Variants in FLT1 observed in about 807,000 individuals in gnomAD.
The protein encoded by FLT1 is vascular endothelial growth factor receptor 1.
Under a neutral mutation model 156.3 loss-of-function variants are expected in FLT1, and 49 were observed. The ratio of observed to expected loss-of-function variants is 0.31; its 90% confidence interval spans 0.25 to 0.40. FLT1 has a LOEUF of 0.40. Among genes scored for constraint, FLT1 ranks in the 10% least tolerant of loss-of-function variants. The pLI is 1.00. For synonymous variants in FLT1, 594 were observed against 583.8 expected (o/e 1.02, Z -0.25); for missense variants, 1,322 against 1,637.2 (o/e 0.81, Z 3.32).
chr13:28,456,230 G>C (rs937160789), intron 3 of FLT1, among the ~76,000 whole-genome samples: 4 of 151,744 alleles, frequency 2.6e-5, no homozygotes, highest in Admixed American at 2.0e-4. Flanking sequence ...GATGTCCTTT[G>C]GTAGGTGAAT....
At position 28,302,218 on chromosome 13, in the gene FLT1, T is replaced by G. The variant is rs774969632; in HGVS notation, c.*949A>C. 1.3e-5 allele frequency: 3 copies of G among 233,162 alleles called. No homozygotes were observed. Among genetic ancestry groups the G allele is most frequent in the Non-Finnish European group, 2.5e-5 (3 of 118,044 alleles). 14.4% of individuals were successfully genotyped at this position (233,162 alleles called of 1,614,324 possible). On this transcript the variant is annotated 3_prime_UTR_variant, in exon 30 of 30. Transcript: ENST00000282397. Reference sequence around the variant, plus strand: ...GCAAAACAGAATAATACCAAGAAATTGAGTTAAGTGTCTGGACTATATATT... The same window carrying G: ...GCAAAACAGAATAATACCAAGAAATGGAGTTAAGTGTCTGGACTATATATT...
chr13:28,345,961 T>TAAAAAAAAAAAAAA (rs575637976), intron 15 of FLT1: 1 of 123,266 alleles, frequency 8.1e-6, no homozygotes, highest in Non-Finnish European at 1.7e-5. Flanking sequence ...GAGGAAATTC[T>TAAAAAAAAAAAAAA]AAAAAAAAAA....
Position 28,430,058 on chromosome 13 carries a change from T to A in FLT1, c.1098A>T (p.Glu366Asp). Residue 366 changes from glutamate (E) to aspartate (D), a missense_variant, in exon 8 of 30, where the codon GAA becomes GAT. Physicochemically the swap from Glu to Asp is conservative, Grantham distance 45 (BLOSUM62 2). This residue lies in a region of FLT1 where 991 missense variants were observed against 1,254.8 expected (regional missense o/e 0.79). Coordinates refer to ENST00000282397, the MANE Select transcript of FLT1 (RefSeq NM_002019.4). ...SMKVKAFPSP[E>D]VVWLKDGLPA... ...AATAAGGATGGTCCTACCATACAAC[T>A]TCCGGCGAGGGAAATGCCTTCACTT... is the stretch of plus-strand genomic sequence containing the variant. 6.2e-7 allele frequency: 1 copy of A among 1,608,630 alleles called. No homozygotes were observed. Among genetic ancestry groups the A allele is most frequent in the Non-Finnish European group, 8.5e-7 (1 of 1,174,956 alleles).
At chr13:28,339,381 T>C (rs2138852078) in intron 16 of FLT1, 81 bp from the exon 17 acceptor site, 1 of 1,473,804 alleles carries the variant, frequency 6.8e-7, no homozygotes, top group East Asian at 2.3e-5. Context: ...ATCCACTGTT[T>C]TATTTGGGAT....
rs1413647692 is a variant in FLT1 at position 28,308,940 on chromosome 13, CAGAA to C, written c.3636-17_3636-14del. ...AGCATTTACGTATCTAATGAAGAAACAGAAAGAATTATCAAGACAGGAAAAGGCA... is the reference window on the plus strand; with the variant it reads ...AGCATTTACGTATCTAATGAAGAAACAGAATTATCAAGACAGGAAAAGGCA... On this transcript the variant is annotated splice_polypyrimidine_tract_variant and intron_variant, in intron 27 of 29. Coordinates refer to ENST00000282397, the MANE Select transcript of FLT1 (RefSeq NM_002019.4). The C allele has an allele frequency of 8.6e-6, 13 of 1,520,208 alleles. No homozygotes were observed. Among genetic ancestry groups the C allele is most frequent in the Middle Eastern group, 3.4e-4 (2 of 5,906 alleles). The allele number at this position is 1,520,208 out of a possible 1,614,324, so 94.2% of individuals were successfully genotyped here.
At chr13:28,427,344 A>G in intron 9 of FLT1, 26 bp from the exon 10 acceptor site, 1 of 1,611,454 alleles carries the variant, frequency 6.2e-7, no homozygotes, top group Non-Finnish European at 8.5e-7. Flanking sequence ...AGAACGGGAC[A>G]GAAGTCAAGA....
intron 11 of FLT1, chr13:28,399,096 A>G (rs1875259236): frequency 6.4e-7 from 1 of 1,551,036 alleles, no homozygotes; most frequent in Non-Finnish European, 8.7e-7. Flanking sequence ...TGGCAACATG[A>G]AAGAACTGTT....
rs1870553054 is a variant in FLT1, at chr13:28,302,454, T to C, written c.*713A>G. On this transcript the variant is annotated 3_prime_UTR_variant, in exon 30 of 30. Coordinates refer to ENST00000282397, the MANE Select transcript of FLT1 (RefSeq NM_002019.4). ...CATAGGTAAAGTTCTAAAATTTGCT[T>C]TAGTTCCAAAAAAGATATTTGTCCT... 1 of 233,228 alleles carries C rather than the reference T, an allele frequency of 4.3e-6. No individual in the cohort carries two copies. The highest frequency in any genetic ancestry group is 8.5e-6 in the Non-Finnish European group (1 of 118,022). The allele number at this position is 233,228 out of a possible 1,614,324, so 14.4% of individuals were successfully genotyped here.
intron 1 of FLT1, among the ~76,000 whole-genome samples, chr13:28,493,753 C>CG (rs1021123018): frequency 6.6e-6 from 1 of 152,202 alleles, no homozygotes; most frequent in Admixed American, 6.5e-5. Context: ...TCAAGTTCCT[C>CG]GGGGCTTTGA....
intron 4 of FLT1, among the ~76,000 whole-genome samples, chr13:28,435,872 G>A (rs755175939): frequency 4.2e-4 from 63 of 151,646 alleles, no homozygotes; most frequent in Non-Finnish European, 7.1e-4. Context: ...GAATGCAGTC[G>A]GTGGGAAAAA....
chr13:28,478,614 C>T (rs1313953803), intron 1 of FLT1, among the ~76,000 whole-genome samples: 1 of 151,752 alleles, frequency 6.6e-6, no homozygotes, highest in Non-Finnish European at 1.5e-5. Flanking sequence ...GTGACATAAT[C>T]TTCAGATCCA....
chr13:28,405,963 G>T (rs2137493424), intron 10 of FLT1, 69 bp from the exon 11 acceptor site: 1 of 822,048 alleles, frequency 1.2e-6, no homozygotes, highest in South Asian at 1.3e-5. Context: ...CAGGTGAAAT[G>T]AAAACTTGGT....
chr13:28,452,953 C>T (rs1260784847), intron 3 of FLT1, among the ~76,000 whole-genome samples: 2 of 138,428 alleles, frequency 1.4e-5, no homozygotes, highest in African/African-American at 2.6e-5. Context: ...AGTCTGGCAC[C>T]ACCTAAGTCT....
intron 13 of FLT1, chr13:28,385,995 A>T (rs758448734): frequency 1.9e-4 from 205 of 1,051,550 alleles, no homozygotes; most frequent in Admixed American, 6.0e-4. Context: ...CTCCCAAGTC[A>T]TTCCTTTCCC....
intron 1 of FLT1, among the ~76,000 whole-genome samples, chr13:28,489,605 G>A (rs983277089): frequency 2.0e-5 from 3 of 152,190 alleles, no homozygotes; most frequent in African/African-American, 4.8e-5. Context: ...AGGAGAGGAG[G>A]AGACACAGAG....
intron 10 of FLT1, among the ~76,000 whole-genome samples, chr13:28,411,605 A>G (rs1242111348): frequency 6.6e-6 from 1 of 151,292 alleles, no homozygotes; most frequent in Admixed American, 6.6e-5. Context: ...ATTTATCACA[A>G]TTTTTTTCTC....
At chr13:28,307,732 T>A (rs1281085411) in intron 28 of FLT1, among the ~76,000 whole-genome samples, 2 of 152,098 alleles carry the variant, frequency 1.3e-5, no homozygotes, top group African/African-American at 4.8e-5. Context: ...ACACTGTCAT[T>A]GGCCTTCCAG....
intron 3 of FLT1, among the ~76,000 whole-genome samples, chr13:28,446,732 A>T (rs1221695686): frequency 2.6e-5 from 4 of 152,236 alleles, no homozygotes; most frequent in African/African-American, 9.6e-5. Context: ...CCCCAAATTG[A>T]TCTACAGATT....
chr13:28,330,689 C>G (rs1871893335), intron 18 of FLT1, among the ~76,000 whole-genome samples: 1 of 149,852 alleles, frequency 6.7e-6, no homozygotes, highest in African/African-American at 2.4e-5. Flanking sequence ...GAGACTTTTT[C>G]TCTTCTTTTT....
Sources: allele counts gnomAD v4.1 joint callset (sites outside exome capture counted in the v4.1 genomes callset), GRCh38; gene constraint gnomAD v4.1.1; regional missense constraint gnomAD v4.1.1; transcripts MANE v1.5; gene names NCBI Gene and HGNC (gene_info 2026-07-23, HGNC 2026-07-21).